NAALADL2: variants seen among roughly 807,000 people sequenced by gnomAD.
The protein encoded by NAALADL2 is inactive N-acetylated-alpha-linked acidic dipeptidase-like protein 2.
Under a neutral mutation model 87.2 loss-of-function variants are expected in NAALADL2, and 76 were observed. The observed-to-expected ratio is 0.87, with a 90% confidence interval of 0.72 to 1.05. The LOEUF is 1.05. NAALADL2 is among the 50% of genes least tolerant of loss of function. The probability of loss-of-function intolerance (pLI) is 0.00; values close to 1 mark genes in which losing one functional copy is unlikely to be tolerated. For missense variants in NAALADL2, 1,089 were observed against 945.8 expected (o/e 1.15, Z -1.99); for synonymous variants, 354 against 331.0 (o/e 1.07, Z -0.75).
chr3:175,022,348 T>C (rs1456321779), intron 1 of NAALADL2, among the ~76,000 whole-genome samples: 1 of 152,028 alleles, frequency 6.6e-6, no homozygotes, highest in African/African-American at 2.4e-5. Flanking sequence ...TGTGTTCTAA[T>C]AGAGAAATTT....
At chr3:175,405,353 C>T (rs1215091488) in intron 5 of NAALADL2, among the ~76,000 whole-genome samples, 1 of 151,948 alleles carries the variant, frequency 6.6e-6, no homozygotes, top group African/African-American at 2.4e-5. Context: ...AAAGAAAGTG[C>T]CATGTATACT....
chr3:175,305,259 T>TG lies in NAALADL2; in HGVS notation c.940-18915dup, dbSNP rs1451247380. On this transcript the variant is annotated intron_variant, in intron 4 of 13. Coordinates refer to ENST00000454872, the MANE Select transcript of NAALADL2 (RefSeq NM_207015.3). ...GTGTGTGTGTTTGTGTATGTGTGTG[T>TG]GTGTGTGTGTGTATGTGTATGTGTG... Among the ~76,000 whole-genome samples the TG allele has an allele frequency of 1.1e-3, 151 of 142,992 alleles. 1 individual carries two copies. The highest frequency in any genetic ancestry group is 3.9e-3 in the African/African-American group (150 of 38,916). The allele number at this position is 142,992 out of a possible 152,430, so 93.8% of individuals were successfully genotyped here.
chr3:175,716,710 G>C (rs1019679614), intron 11 of NAALADL2, among the ~76,000 whole-genome samples: 5 of 152,134 alleles, frequency 3.3e-5, no homozygotes, highest in Admixed American at 6.6e-5. Flanking sequence ...CAGGATGCTG[G>C]CTGGTATTTG....
intron 2 of NAALADL2, among the ~76,000 whole-genome samples, chr3:175,173,266 T>A (rs1372734272): frequency 6.6e-6 from 1 of 151,740 alleles, no homozygotes; most frequent in Non-Finnish European, 1.5e-5. Context: ...CACTCCAGCC[T>A]TGGTGACACA....
intron 12 of NAALADL2, among the ~76,000 whole-genome samples, chr3:175,743,937 GTAA>G (rs1260845036): frequency 6.6e-6 from 1 of 152,184 alleles, no homozygotes; most frequent in Non-Finnish European, 1.5e-5. Context: ...GTAAGAGTGA[GTAA>G]TGATGAGTCA....
At chr3:174,517,984 G>A (rs1365520666) in intron 1 of NAALADL2, among the ~76,000 whole-genome samples, 1 of 152,142 alleles carries the variant, frequency 6.6e-6, no homozygotes, top group Admixed American at 6.5e-5. Context: ...GACGACTGAA[G>A]TGTAGAGGTG....
chr3:175,614,211 C>A (rs776710874), intron 10 of NAALADL2, among the ~76,000 whole-genome samples: 2 of 152,152 alleles, frequency 1.3e-5, no homozygotes, highest in Non-Finnish European at 2.9e-5. Flanking sequence ...AGCCACCATA[C>A]CTGGTTAACT....
chr3:174,826,463 A>C (rs1722010448), intron 3 of NAALADL2, among the ~76,000 whole-genome samples: 1 of 152,206 alleles, frequency 6.6e-6, no homozygotes, highest in Non-Finnish European at 1.5e-5. Context: ...TACTTGGCAC[A>C]TAGTGAGGCC....
chr3:175,522,771 T>A (rs1732829732), intron 9 of NAALADL2, among the ~76,000 whole-genome samples: 1 of 152,208 alleles, frequency 6.6e-6, no homozygotes, highest in South Asian at 2.1e-4. Context: ...AAAAAAGTAA[T>A]CTGAGTTATT....
intron 2 of NAALADL2, among the ~76,000 whole-genome samples, chr3:175,219,383 T>C (rs112857492): frequency 1.3e-5 from 2 of 152,188 alleles, no homozygotes; most frequent in Non-Finnish European, 2.9e-5. Flanking sequence ...TTTTAAAAAT[T>C]GAGTTTTCTC....
intron 2 of NAALADL2, among the ~76,000 whole-genome samples, chr3:174,652,112 C>T (rs1246717830): frequency 6.6e-6 from 1 of 152,156 alleles, no homozygotes. Context: ...AAGAGTCTCA[C>T]ATCTCCCAGA....
intron 2 of NAALADL2, among the ~76,000 whole-genome samples, chr3:175,197,319 AAT>A (rs1372521497): frequency 9.9e-5 from 15 of 152,136 alleles, no homozygotes; most frequent in African/African-American, 3.1e-4. Flanking sequence ...AACTTTTTAT[AAT>A]AGTTTTGTGT....
chr3:174,851,315 G>A lies in NAALADL2; in HGVS notation c.-9+113569G>A, dbSNP rs565444394. On this transcript the variant is annotated intron_variant, in intron 3 of 3. Coordinates refer to the NAALADL2 transcript ENST00000434257. ...AGACAACACAAAAGCAAGTAAAGAA[G>A]GTTTTTGGGGGAAAGATAAACAAAA... Among the ~76,000 whole-genome samples, 3 of 146,880 alleles carry A rather than the reference G, an allele frequency of 2.0e-5. No individual in the cohort carries two copies. In the South Asian group the frequency reaches 6.4e-4, roughly 31 times the overall value.
intron 3 of NAALADL2, among the ~76,000 whole-genome samples, chr3:174,810,086 T>A (rs1719996081): frequency 6.6e-6 from 1 of 152,208 alleles, no homozygotes; most frequent in Admixed American, 6.5e-5. Flanking sequence ...TACAGAACTG[T>A]GAGCCAATTA....
At chr3:174,809,482 T>G (rs571907177) in intron 3 of NAALADL2, among the ~76,000 whole-genome samples, 1 of 152,298 alleles carries the variant, frequency 6.6e-6, no homozygotes, top group African/African-American at 2.4e-5. Context: ...GTAAAAAGCT[T>G]TGTTGAACAC....
chr3:174,749,406 C>T (rs188434774), intron 3 of NAALADL2, among the ~76,000 whole-genome samples: 1 of 151,938 alleles, frequency 6.6e-6, no homozygotes, highest in East Asian at 1.9e-4. Context: ...TTAGAATGCA[C>T]TTAGTTGAAT....
At chr3:175,605,881 TAAAATAAC>T (rs1723666879) in intron 10 of NAALADL2, among the ~76,000 whole-genome samples, 1 of 152,134 alleles carries the variant, frequency 6.6e-6, no homozygotes, top group South Asian at 2.1e-4. Flanking sequence ...TCAGGGTGAA[TAAAATAAC>T]TACTTTCTTC....
intron 1 of NAALADL2, among the ~76,000 whole-genome samples, chr3:175,065,071 A>G (rs910095066): frequency 2.6e-5 from 4 of 152,178 alleles, no homozygotes; most frequent in Non-Finnish European, 5.9e-5. Context: ...ACCAACATTT[A>G]AAAAGAAGGA....
chr3:175,506,104 G>C (rs1378878916), intron 9 of NAALADL2, among the ~76,000 whole-genome samples: 1 of 152,108 alleles, frequency 6.6e-6, no homozygotes, highest in Non-Finnish European at 1.5e-5. Flanking sequence ...CTAAAATTAT[G>C]AGCGGTAGCA....
Sources: allele counts gnomAD v4.1 joint callset (sites outside exome capture counted in the v4.1 genomes callset), GRCh38; gene constraint gnomAD v4.1.1; transcripts MANE v1.5; gene names NCBI Gene and HGNC (gene_info 2026-07-23, HGNC 2026-07-21).